Variants in PLEKHA8 observed in about 807,000 individuals in gnomAD.
The protein encoded by PLEKHA8 is pleckstrin homology domain containing A8, also known as pleckstrin homology domain-containing family A member 8.
Under a neutral mutation model 68.2 loss-of-function variants are expected in PLEKHA8, and 36 were observed. The ratio of observed to expected loss-of-function variants is 0.53; its 90% confidence interval spans 0.40 to 0.70. The LOEUF is 0.70. PLEKHA8 is among the 30% of genes least tolerant of loss of function. PLEKHA8 has a pLI of 0.00. For missense variants in PLEKHA8, 505 were observed against 615.4 expected (o/e 0.82, Z 1.90); for synonymous variants, 211 against 216.1 (o/e 0.98, Z 0.20).
intron 12 of PLEKHA8, chr7:30,090,090 C>A: frequency 6.7e-7 from 1 of 1,491,532 alleles, no homozygotes; most frequent in Non-Finnish European, 9.0e-7. Context: ...AGATAAAATA[C>A]AGAAGATTTT....
chr7:30,107,977 G>A (rs1324929233), intron 13 of PLEKHA8, among the ~76,000 whole-genome samples: 1 of 147,942 alleles, frequency 6.8e-6, no homozygotes, highest in Non-Finnish European at 1.5e-5. Flanking sequence ...GCTGAGGCAG[G>A]AGAATCACTT....
At chr7:30,039,673 A>G (rs935952317) in intron 1 of PLEKHA8, among the ~76,000 whole-genome samples, 28 of 152,170 alleles carry the variant, frequency 1.8e-4, no homozygotes, top group African/African-American at 5.8e-4. Context: ...CTTGTATCCT[A>G]TCACCTTGCT....
intron 1 of PLEKHA8, among the ~76,000 whole-genome samples, chr7:30,029,811 AATGGGTGTGTGTGGGAGG>A (rs1247227919): frequency 6.6e-6 from 1 of 152,174 alleles, no homozygotes; most frequent in African/African-American, 2.4e-5. Context: ...GTGTTTTAAG[AATGGGTGTGTGTGGGAGG>A]ATCAGTTGGC....
intron 6 of PLEKHA8, 32 bp downstream of exon 6, chr7:30,050,506 TAAA>T: frequency 6.6e-7 from 1 of 1,511,300 alleles, no homozygotes; most frequent in Admixed American, 2.4e-5. Context: ...TGCTAAAAAT[TAAA>T]AAAAAATAAG....
At position 30,116,007 on chromosome 7, in the gene PLEKHA8, T is replaced by A. The variant is rs866776275; in HGVS notation, c.1363-13259T>A. ...ATGTATGCATACGCATACATACGCA[T>A]ACATACGCATACATACGTATACATA... On this transcript the variant is annotated intron_variant, in intron 13 of 13. Coordinates refer to the PLEKHA8 transcript ENST00000396257. The A allele has an allele frequency of 2.8e-5, 4 of 144,854 alleles. 1 individual carries two copies. Among genetic ancestry groups the A allele is most frequent in the Non-Finnish European group, 3.1e-5 (2 of 64,912 alleles). The allele number at this position is 144,854 out of a possible 1,614,324, so 9.0% of individuals were successfully genotyped here.
chr7:30,094,849 A>G (rs36199906), downstream of PLEKHA8, among the ~76,000 whole-genome samples: 2,009 of 152,190 alleles, frequency 0.013, 31 homozygotes, highest in Middle Eastern at 0.024. Flanking sequence ...TACAAAGTAC[A>G]TGAATTCATC....
chr7:30,089,754 C>T (rs1054047673), intron 12 of PLEKHA8, among the ~76,000 whole-genome samples: 8 of 152,116 alleles, frequency 5.3e-5, no homozygotes, highest in Non-Finnish European at 1.2e-4. Context: ...GTGTTGTGCT[C>T]TCAGAGAACT....
At chr7:30,098,006 T>C (rs1049567162) in intron 13 of PLEKHA8, among the ~76,000 whole-genome samples, 2 of 152,220 alleles carry the variant, frequency 1.3e-5, no homozygotes, top group African/African-American at 2.4e-5. Context: ...GGATTTTTGG[T>C]GTGGATGTCC....
At chr7:30,030,303 T>G (rs991257386) in intron 1 of PLEKHA8, among the ~76,000 whole-genome samples, 6 of 151,976 alleles carry the variant, frequency 3.9e-5, no homozygotes, top group Non-Finnish European at 8.8e-5. Flanking sequence ...TTTTGTGGGG[T>G]TTTTTCCCCC....
chr7:30,045,264 G>A, intron 2 of PLEKHA8, 63 bp downstream of exon 2: 3 of 1,187,542 alleles, frequency 2.5e-6, no homozygotes, highest in Middle Eastern at 2.0e-4. Context: ...AAACAAAAAA[G>A]CCCCTGGCCC....
chr7:30,092,089 A>G (rs1269648873), downstream of PLEKHA8, among the ~76,000 whole-genome samples: 3 of 152,158 alleles, frequency 2.0e-5, no homozygotes, highest in Non-Finnish European at 4.4e-5. Flanking sequence ...AAAATCCCAA[A>G]TCCTCAACTT....
chr7:30,091,047 C>T (rs2128005752), downstream of PLEKHA8, among the ~76,000 whole-genome samples: 1 of 152,234 alleles, frequency 6.6e-6, no homozygotes, highest in South Asian at 2.1e-4. Flanking sequence ...GCCTGTAGTT[C>T]CAACTACTCA....
At chr7:30,096,865 A>G (rs1176555434) in intron 13 of PLEKHA8, among the ~76,000 whole-genome samples, 1 of 152,196 alleles carries the variant, frequency 6.6e-6, no homozygotes, top group East Asian at 1.9e-4. Context: ...TGATCCTGTC[A>G]TTATGATGTT....
rs951643724 is a variant in PLEKHA8, at chr7:30,028,602, G to A, written c.-161G>A. Reference sequence around the variant, plus strand: ...GCCGCAGTGACCCCGCCCCCGGGCCGAGGATGTGAGGCGGGCCGGGCGTCC... The same window carrying A: ...GCCGCAGTGACCCCGCCCCCGGGCCAAGGATGTGAGGCGGGCCGGGCGTCC... On this transcript the variant is annotated 5_prime_UTR_variant, in exon 1 of 14. Transcript: ENST00000449726. The A allele has an allele frequency of 8.8e-6, 4 of 452,358 alleles. No individual in the cohort carries two copies. The highest frequency in any genetic ancestry group is 6.1e-5 in the African/African-American group (3 of 49,242). The allele number at this position is 452,358 out of a possible 1,614,324, so 28.0% of individuals were successfully genotyped here.
At chr7:30,116,937 C>T (rs1428872140) in intron 13 of PLEKHA8, among the ~76,000 whole-genome samples, 1 of 152,208 alleles carries the variant, frequency 6.6e-6, no homozygotes, top group African/African-American at 2.4e-5. Context: ...GAGGGAATGG[C>T]ACTCCCCTGC....
downstream of PLEKHA8, among the ~76,000 whole-genome samples, chr7:30,094,443 T>A (rs1484897357): frequency 1.3e-5 from 2 of 151,990 alleles, no homozygotes; most frequent in African/African-American, 4.8e-5. Flanking sequence ...CCCAGCTAAT[T>A]TTTTGTATTT....
chr7:30,049,128 A>T, intron 4 of PLEKHA8, 96 bp from the exon 5 acceptor site: 1 of 1,406,956 alleles, frequency 7.1e-7, no homozygotes, highest in East Asian at 2.3e-5. Flanking sequence ...TGGGTACATT[A>T]TTATTATTTT....
intron 13 of PLEKHA8, among the ~76,000 whole-genome samples, chr7:30,098,745 CTAGG>C (rs1795731480): frequency 6.6e-6 from 1 of 152,242 alleles, no homozygotes; most frequent in African/African-American, 2.4e-5. Context: ...CTTTCTTTGA[CTAGG>C]AAAGGGAATT....
chr7:30,102,036 TG>T (rs1795872035), intron 13 of PLEKHA8, among the ~76,000 whole-genome samples: 1 of 152,226 alleles, frequency 6.6e-6, no homozygotes. Context: ...ATCATACATC[TG>T]ATAAGGGACT....
Sources: gnomAD v4.1 joint callset for allele counts (sites outside exome capture counted in the v4.1 genomes callset) on GRCh38, gnomAD v4.1.1 for gene constraint, MANE v1.5 for transcripts, NCBI Gene and HGNC (gene_info 2026-07-23, HGNC 2026-07-21) for gene names.